LRRC8B: variants seen among roughly 807,000 people sequenced by gnomAD.
LRRC8B encodes the protein leucine rich repeat containing 8 VRAC subunit B, also known as volume-regulated anion channel subunit LRRC8B.
Under a neutral mutation model 58.8 loss-of-function variants are expected in LRRC8B, and 23 were observed. The ratio of observed to expected loss-of-function variants is 0.39; its 90% CI spans 0.28 to 0.55. LRRC8B has a LOEUF of 0.55. Ranked by LOEUF, LRRC8B falls within the 20% of genes least tolerant of loss-of-function variation. LRRC8B has a pLI of 0.62. For missense variants in LRRC8B, 694 were observed against 936.0 expected (o/e 0.74, Z 3.37); for synonymous variants, 359 against 374.1 (o/e 0.96, Z 0.47).
intron 1 of LRRC8B, 138 bp downstream of exon 1, chr1:89,525,160 C>G (rs1376566631): frequency 2.6e-5 from 4 of 152,314 alleles, no homozygotes; most frequent in Admixed American, 2.6e-4. Flanking sequence ...GCCTCACCTG[C>G]GAGCCAGGCT....
At chr1:89,589,987 T>TGTC (rs1412246768) in intron 5 of LRRC8B, among the ~76,000 whole-genome samples, 1 of 152,200 alleles carries the variant, frequency 6.6e-6, no homozygotes, top group East Asian at 1.9e-4. Flanking sequence ...TTTTTGTTGT[T>TGTC]GTCATCTATT....
intron 1 of LRRC8B, among the ~76,000 whole-genome samples, chr1:89,532,244 A>T (rs1296893354): frequency 4.6e-5 from 7 of 152,100 alleles, no homozygotes; most frequent in African/African-American, 1.7e-4. Flanking sequence ...TTGCTTGTTT[A>T]TGCTCTATTC....
chr1:89,531,051 A>C (rs1482239106), intron 1 of LRRC8B, among the ~76,000 whole-genome samples: 3 of 152,194 alleles, frequency 2.0e-5, no homozygotes, highest in Non-Finnish European at 4.4e-5. Flanking sequence ...CAGCCATTGC[A>C]CTGAAGAATG....
At chr1:89,538,466 ACC>A (rs956518712) in intron 1 of LRRC8B, among the ~76,000 whole-genome samples, 11 of 152,074 alleles carry the variant, frequency 7.2e-5, no homozygotes, top group Admixed American at 2.6e-4. Flanking sequence ...GTCATCCCCC[ACC>A]CCAACCCCAG....
At chr1:89,527,429 C>G (rs1168093052) in intron 1 of LRRC8B, among the ~76,000 whole-genome samples, 1 of 152,200 alleles carries the variant, frequency 6.6e-6, no homozygotes, top group Non-Finnish European at 1.5e-5. Context: ...GCATGATTTG[C>G]ATTGCCTTGC....
rs1057361990 is a variant in LRRC8B at position 89,593,367 on chromosome 1, ACT to A, written c.*327_*328del. 1 of 174,638 alleles carries A rather than the reference ACT, an allele frequency of 5.7e-6. No homozygotes were observed. Among genetic ancestry groups the A allele is most frequent in the African/African-American group, 2.5e-5 (1 of 39,268 alleles). 10.8% of individuals were successfully genotyped at this position (174,638 alleles called of 1,614,324 possible). On this transcript the variant is annotated 3_prime_UTR_variant, in exon 6 of 6. Transcript: ENST00000330947. ...ACACCAGCCTGGGTGACAGAGCAAGACTCTTATCTCAAAAAAAAAAAAAAAAT... is the reference window on the plus strand; with the variant it reads ...ACACCAGCCTGGGTGACAGAGCAAGACTTATCTCAAAAAAAAAAAAAAAAT...
intron 5 of LRRC8B, 144 bp downstream of exon 5, chr1:89,584,933 C>CCT: frequency 1.7e-6 from 1 of 587,704 alleles, no homozygotes; most frequent in Non-Finnish European, 2.9e-6. Context: ...AAACACTGAG[C>CCT]ATCCATTTTT....
chr1:89,555,661 C>T (rs1277666829), intron 1 of LRRC8B, among the ~76,000 whole-genome samples: 1 of 152,174 alleles, frequency 6.6e-6, no homozygotes, highest in Non-Finnish European at 1.5e-5. Flanking sequence ...GACCTGTCAT[C>T]ATGTCAAGGA....
rs1357769446 is a variant in LRRC8B at position 89,582,605 on chromosome 1, C to CT, written c.-26-16dup. The CT allele has an allele frequency of 1.4e-6, 2 of 1,422,214 alleles. No individual in the cohort carries two copies. The highest frequency in any genetic ancestry group is 2.0e-6 in the Non-Finnish European group (2 of 1,017,620). 88.1% of individuals were successfully genotyped at this position (1,422,214 alleles called of 1,614,324 possible). ...TTGAGTACTTGCTTCAGTAGTGTTT[C>CT]TTTTATTTCCCTCTTCCAGTTTCTG... is the stretch of plus-strand genomic sequence containing the variant. On this transcript the variant is annotated intron_variant, in intron 4 of 5. Transcript: ENST00000330947.
intron 4 of LRRC8B, among the ~76,000 whole-genome samples, chr1:89,579,991 TCA>T (rs1290165644): frequency 8.5e-5 from 13 of 152,308 alleles, no homozygotes; most frequent in African/African-American, 3.1e-4. Flanking sequence ...AAGATTCTGC[TCA>T]GGACATAGAG....
At chr1:89,553,374 C>T (rs1349098662) in intron 1 of LRRC8B, among the ~76,000 whole-genome samples, 1 of 152,086 alleles carries the variant, frequency 6.6e-6, no homozygotes, top group East Asian at 1.9e-4. Context: ...AATGATTTTT[C>T]CATTGATTCA....
intron 1 of LRRC8B, among the ~76,000 whole-genome samples, chr1:89,540,046 T>C (rs1201796106): frequency 1.3e-5 from 2 of 152,226 alleles, no homozygotes; most frequent in Non-Finnish European, 2.9e-5. Flanking sequence ...TCTATTATTT[T>C]ATTTATTACA....
chr1:89,565,998 G>A (rs1401449334), intron 1 of LRRC8B, among the ~76,000 whole-genome samples: 1 of 152,146 alleles, frequency 6.6e-6, no homozygotes, highest in Non-Finnish European at 1.5e-5. Context: ...TACCATCCTT[G>A]AGAAAGGTTC....
In LRRC8B at chr1:89,541,947, C is replaced by T. The variant is rs75656038; in HGVS notation, c.-241+16925C>T. Among the ~76,000 whole-genome samples the T allele has an allele frequency of 2.9e-3, 435 of 152,100 alleles. 1 individual carries two copies. The highest frequency in any genetic ancestry group is 5.3e-3 in the Non-Finnish European group (357 of 67,996). ...TTTCCTGATAATTTTAGTAACTGTT[C>T]TCTTGATATAATGTACAAATTATAT... On this transcript the variant is annotated intron_variant, in intron 1 of 5. Coordinates refer to ENST00000330947, the MANE Select transcript of LRRC8B (RefSeq NM_001369817.2).
intron 4 of LRRC8B, among the ~76,000 whole-genome samples, chr1:89,581,871 C>T (rs556084563): frequency 1.3e-4 from 20 of 152,212 alleles, no homozygotes; most frequent in African/African-American, 9.6e-5. Context: ...AATTACAAAG[C>T]GAAAGCTTGT....
At chr1:89,540,810 A>G (rs1570567604) in intron 1 of LRRC8B, among the ~76,000 whole-genome samples, 2 of 152,350 alleles carry the variant, frequency 1.3e-5, no homozygotes, top group Non-Finnish European at 1.5e-5. Context: ...GATGAAGTAG[A>G]GGAGACTAGT....
chr1:89,532,837 A>G (rs1650240300), intron 1 of LRRC8B, among the ~76,000 whole-genome samples: 1 of 152,214 alleles, frequency 6.6e-6, no homozygotes, highest in Admixed American at 6.5e-5. Context: ...GATTGAAGAT[A>G]CTTTCCTCAG....
chr1:89,543,232 GTA>G (rs1461057708), intron 1 of LRRC8B, among the ~76,000 whole-genome samples: 2 of 152,084 alleles, frequency 1.3e-5, no homozygotes, highest in African/African-American at 4.8e-5. Context: ...CATTTTTAAT[GTA>G]TATTTTGAGA....
Position 89,592,958 on chromosome 1 carries a change from A to G in LRRC8B, c.2327A>G (p.Asn776Ser), listed in dbSNP as rs765821692. 1.2e-6 allele frequency: 2 copies of G among 1,614,166 alleles called. No homozygotes were observed. The highest frequency in any genetic ancestry group is 4.5e-5 in the East Asian group (2 of 44,888). Residue 776 changes from asparagine to serine, a missense_variant, in exon 6 of 6, where the codon AAC (asparagine) becomes AGC (serine). Physicochemically the swap from Asn to Ser is conservative, Grantham distance 46. Around this residue, in one of 5 missense-constraint regions of LRRC8B, gnomAD observed 139 missense variants for 158.2 expected, o/e 0.88. Transcript: ENST00000330947. Reference protein sequence around the residue: ...ELEGCQSLKRNCLIVEENLLN... With the variant: ...ELEGCQSLKRSCLIVEENLLN... Reference sequence around the variant, plus strand: ...GAAGGATGTCAGTCCCTAAAACGGAACTGTCTGATTGTTGAGGAGAACTTG... The same window carrying G: ...GAAGGATGTCAGTCCCTAAAACGGAGCTGTCTGATTGTTGAGGAGAACTTG...
Sources: allele counts gnomAD v4.1 joint callset (sites outside exome capture counted in the v4.1 genomes callset), GRCh38; gene constraint gnomAD v4.1.1; regional missense constraint gnomAD v4.1.1; transcripts MANE v1.5; gene names NCBI Gene and HGNC (gene_info 2026-07-23, HGNC 2026-07-21).